Variants in ERCC6L2 observed in about 807,000 individuals in gnomAD.
ERCC6L2 encodes ERCC excision repair 6 like 2.
Under a neutral mutation model 132.0 loss-of-function variants are expected in ERCC6L2, and 77 were observed. That is an observed-to-expected ratio of 0.58 (90% CI 0.49 to 0.71). The LOEUF is 0.71. Ranked by LOEUF, ERCC6L2 falls within the 30% of genes least tolerant of loss-of-function variation. ERCC6L2 has a pLI of 0.00. For synonymous variants in ERCC6L2, 583 were observed against 632.4 expected, an observed-to-expected ratio of 0.92 and a Z score of 1.17; for missense variants, 1,542 against 1,837.6, an observed-to-expected ratio of 0.84 and a Z score of 2.94.
At chr9:95,970,125 A>G (rs989180701) in intron 14 of ERCC6L2, among the ~76,000 whole-genome samples, 1 of 152,176 alleles carries the variant, frequency 6.6e-6, no homozygotes, top group Non-Finnish European at 1.5e-5. Flanking sequence ...TTAAATGAAT[A>G]TGAACAATAA....
chr9:95,933,149 G>A (rs1161778599), intron 11 of ERCC6L2, among the ~76,000 whole-genome samples: 1 of 152,140 alleles, frequency 6.6e-6, no homozygotes, highest in Admixed American at 6.5e-5. Flanking sequence ...ATCTGAGATG[G>A]CATCATACAT....
At chr9:96,038,656 G>C (rs1834546203) in intron 19 of ERCC6L2, among the ~76,000 whole-genome samples, 1 of 152,254 alleles carries the variant, frequency 6.6e-6, no homozygotes, top group East Asian at 1.9e-4. Flanking sequence ...GGCAGCTCTG[G>C]CTACAGTCAA....
rs117599634 is a variant in ERCC6L2, at chr9:95,876,155, T to C, written c.46+71T>C. The C allele has an allele frequency of 5.7e-3, 8,231 of 1,444,306 alleles. 40 individuals carry two copies. Among genetic ancestry groups the C allele is most frequent in the Non-Finnish European group, 6.5e-3 (6,894 of 1,056,244 alleles). The allele number at this position is 1,444,306 out of a possible 1,614,324, so 89.5% of individuals were successfully genotyped here. On this transcript the variant is annotated intron_variant, in intron 1 of 18. Coordinates refer to ENST00000653738, the MANE Select transcript of ERCC6L2 (RefSeq NM_020207.7). ...GTCGCGTTGGACCAGTTCTTGCCGG[T>C]GCCCTTCGGGTTGGGGTTTTGCCCT... is the stretch of plus-strand genomic sequence containing the variant.
intron 3 of ERCC6L2, chr9:95,906,578 A>T: frequency 2.2e-6 from 1 of 446,386 alleles, no homozygotes; most frequent in South Asian, 1.6e-5. Context: ...TGATTGCTTC[A>T]ATTTTCCAGT....
rs557499417 is a variant in ERCC6L2 at position 96,002,035 on chromosome 9, G to A, written c.3493-2485G>A. On this transcript the variant is annotated intron_variant, in intron 17 of 18. Transcript: ENST00000653738. The stretch of plus-strand genomic sequence containing the variant: ...CGAGTGCGGGGCGCACCAAGCCCAC[G>A]CCCACCTGGAACTCCAGCTGGCCCA... Among the ~76,000 whole-genome samples the A allele has an allele frequency of 1.1e-4, 16 of 152,326 alleles. No homozygotes were observed. The South Asian group carries it at 2.1e-3, about 20-fold the overall frequency.
chr9:95,913,437 G>A (rs545377728), intron 4 of ERCC6L2, among the ~76,000 whole-genome samples: 39 of 79,336 alleles, frequency 4.9e-4, no homozygotes, highest in African/African-American at 1.3e-3. Flanking sequence ...TACACCCTTC[G>A]CTTGCTTGCC....
At chr9:95,884,536 T>C (rs1827764770) in intron 2 of ERCC6L2, among the ~76,000 whole-genome samples, 1 of 151,606 alleles carries the variant, frequency 6.6e-6, no homozygotes, top group African/African-American at 2.4e-5. Flanking sequence ...AGTTTCCCCC[T>C]TTTTATATTC....
At chr9:95,930,423 A>G (rs899134164) in intron 11 of ERCC6L2, among the ~76,000 whole-genome samples, 2 of 152,102 alleles carry the variant, frequency 1.3e-5, no homozygotes, top group Non-Finnish European at 2.9e-5. Flanking sequence ...GTTTTTGTTT[A>G]GTTTCTATCA....
At chr9:96,031,018 A>G (rs900439949) in intron 19 of ERCC6L2, among the ~76,000 whole-genome samples, 1 of 152,194 alleles carries the variant, frequency 6.6e-6, no homozygotes, top group Non-Finnish European at 1.5e-5. Context: ...CCTTCAGGAT[A>G]GTCATCTCAG....
intron 17 of ERCC6L2, among the ~76,000 whole-genome samples, chr9:95,998,804 GT>G (rs1159677317): frequency 3.9e-5 from 6 of 152,184 alleles, no homozygotes; most frequent in African/African-American, 1.4e-4. Context: ...CACTCGTTTT[GT>G]GATACTCTGT....
chr9:95,979,670 A>G (rs1832815180), intron 17 of ERCC6L2, among the ~76,000 whole-genome samples: 2 of 152,196 alleles, frequency 1.3e-5, no homozygotes, highest in South Asian at 2.1e-4. Flanking sequence ...GCATTCTTTC[A>G]TGACCCAAAT....
chr9:95,976,829 A>G (rs1418229264), intron 16 of ERCC6L2, among the ~76,000 whole-genome samples: 6 of 152,196 alleles, frequency 3.9e-5, no homozygotes, highest in African/African-American at 1.4e-4. Context: ...CCCAAAAACT[A>G]TATGAAAGAA....
intron 4 of ERCC6L2, among the ~76,000 whole-genome samples, chr9:95,912,233 C>T (rs1829375564): frequency 6.6e-6 from 1 of 152,120 alleles, no homozygotes; most frequent in Non-Finnish European, 1.5e-5. Context: ...TGTCCATGTT[C>T]TTTTTAGCTT....
intron 13 of ERCC6L2, among the ~76,000 whole-genome samples, chr9:95,957,891 T>G (rs1831691580): frequency 6.6e-6 from 1 of 151,588 alleles, no homozygotes. Context: ...TTTTTTTAAA[T>G]TATACTTTAA....
At chr9:95,877,815 G>GA (rs541639458) in intron 1 of ERCC6L2, among the ~76,000 whole-genome samples, 2,282 of 140,994 alleles carry the variant, frequency 0.016, 56 homozygotes, top group African/African-American at 0.059. Context: ...AAAAAAAAAA[G>GA]AAAAAAAAAA....
downstream of ERCC6L2, chr9:96,021,127 C>T (rs1300326448): frequency 3.3e-5 from 13 of 388,832 alleles, no homozygotes; most frequent in Non-Finnish European, 5.6e-5. The surrounding 1 kb of genome is among the most constrained non-coding windows in gnomAD (Gnocchi z 4.7). Context: ...TCAGGCGTCC[C>T]GGGGAACCCC....
intron 12 of ERCC6L2, chr9:95,954,865 G>A (rs542451753): frequency 2.3e-5 from 11 of 471,162 alleles, no homozygotes; most frequent in South Asian, 1.7e-4. Flanking sequence ...TGCTGGAGAT[G>A]TGAGATTTGC....
chr9:95,975,746 C>T (rs1832640346), intron 16 of ERCC6L2, among the ~76,000 whole-genome samples: 1 of 151,876 alleles, frequency 6.6e-6, no homozygotes, highest in Non-Finnish European at 1.5e-5. Context: ...GTTTTTGTCA[C>T]ATTCTCTCAA....
At chr9:95,893,679 G>A (rs1188949158) in intron 2 of ERCC6L2, among the ~76,000 whole-genome samples, 1 of 151,986 alleles carries the variant, frequency 6.6e-6, no homozygotes, top group Non-Finnish European at 1.5e-5. Context: ...TTTTTGATAA[G>A]TTCTATTTCT....
Sources: allele counts gnomAD v4.1 joint callset (sites outside exome capture counted in the v4.1 genomes callset), GRCh38; gene constraint gnomAD v4.1.1; non-coding constraint Gnocchi (gnomAD v3.1); transcripts MANE v1.5; gene names NCBI Gene and HGNC (gene_info 2026-07-23, HGNC 2026-07-21).